DNMT3B: variants seen among roughly 807,000 people sequenced by gnomAD.
DNMT3B encodes the protein DNA methyltransferase 3 beta, also known as DNA (cytosine-5)-methyltransferase 3B.
In DNMT3B, 37 loss-of-function variants were observed where a neutral mutation model predicts 120.2. That is an observed-to-expected ratio of 0.31 (90% CI 0.24 to 0.40). The LOEUF (loss-of-function observed/expected upper bound fraction) is 0.40. Among genes scored for constraint, DNMT3B ranks in the 10% least tolerant of loss-of-function variants. The pLI is 1.00. For synonymous variants in DNMT3B, 412 were observed against 442.8 expected (o/e 0.93, Z 0.87); for missense variants, 878 against 1,137.3 (o/e 0.77, Z 3.28).
intron 1 of DNMT3B, among the ~76,000 whole-genome samples, chr20:32,764,177 T>C (rs1462856971): frequency 6.6e-6 from 1 of 152,240 alleles, no homozygotes; most frequent in Non-Finnish European, 1.5e-5. Context: ...GTTTAAACCC[T>C]GTCTCGCCAA....
chr20:32,801,025 G>C, intron 18 of DNMT3B, 100 bp downstream of exon 18: 1 of 1,441,208 alleles, frequency 6.9e-7, no homozygotes. Context: ...TTCTGGCCAA[G>C]TTACTGGCAG....
rs755107400 is a variant in DNMT3B, at chr20:32,805,415, G to A, written c.2301+8G>A. The A allele has an allele frequency of 2.5e-6, 4 of 1,613,814 alleles. No individual in the cohort carries two copies. The highest frequency in any genetic ancestry group is 2.7e-5 in the African/African-American group (2 of 74,868). ...TACAATAGGATAGCCAAGGTAAGAC[G>A]AGCTGTGGCCCTCTGGAAAAATGCA... On this transcript the variant is annotated splice_region_variant and intron_variant, in intron 21 of 22. Coordinates refer to ENST00000328111, the MANE Select transcript of DNMT3B (RefSeq NM_006892.4).
chr20:32,766,392 T>A (rs1987371311), intron 1 of DNMT3B, among the ~76,000 whole-genome samples: 1 of 151,846 alleles, frequency 6.6e-6, no homozygotes, highest in African/African-American at 2.4e-5. Context: ...TTTTTTTTTA[T>A]AAGGACAAGG....
chr20:32,766,199 C>A (rs1345888239), intron 1 of DNMT3B, among the ~76,000 whole-genome samples: 3 of 152,080 alleles, frequency 2.0e-5, no homozygotes, highest in African/African-American at 2.4e-5. Flanking sequence ...CAAAAAGTAG[C>A]CAGGCGTGTT....
chr20:32,773,628 T>A (rs893746736), intron 1 of DNMT3B, among the ~76,000 whole-genome samples: 5 of 133,170 alleles, frequency 3.8e-5, no homozygotes, highest in Non-Finnish European at 4.9e-5. Context: ...TTTTTTTTTT[T>A]TATAACAGGG....
rs200902224 is a variant in DNMT3B, at chr20:32,784,843, G to C, written c.290G>C (p.Arg97Pro). ...AAGCTCTTCCGGGAAACCAGGACTC[G>C]TTCAGAAAGCCCAGCTGTAAGTAGC... ...MPKLFRETRT[R>P]SESPAVRTRN... The change falls in exon 4 of 23, where the codon CGT becomes CCT. Residue 97 changes from arginine (R) to proline (P), a missense_variant. Coordinates refer to ENST00000328111, the MANE Select transcript of DNMT3B (RefSeq NM_006892.4). 6.2e-7 allele frequency: 1 copy of C among 1,613,936 alleles called. No individual in the cohort carries two copies. The highest frequency in any genetic ancestry group is 1.3e-5 in the African/African-American group (1 of 74,866).
chr20:32,798,186 A>T (rs1297394733), intron 14 of DNMT3B, among the ~76,000 whole-genome samples: 1 of 152,170 alleles, frequency 6.6e-6, no homozygotes, highest in Non-Finnish European at 1.5e-5. Flanking sequence ...CTGGTTTGCC[A>T]GTTGGCCTGT....
At chr20:32,769,921 G>C (rs1440726564) in intron 1 of DNMT3B, among the ~76,000 whole-genome samples, 1 of 151,972 alleles carries the variant, frequency 6.6e-6, no homozygotes, top group Non-Finnish European at 1.5e-5. Flanking sequence ...AGATTTATTT[G>C]TGTTATGACA....
intron 7 of DNMT3B, among the ~76,000 whole-genome samples, chr20:32,790,294 C>A (rs1253306422): frequency 6.6e-6 from 1 of 152,150 alleles, no homozygotes; most frequent in African/African-American, 2.4e-5. Context: ...AGCAGTAACT[C>A]AAGTGAAGGA....
chr20:32,788,962 A>G lies in DNMT3B; in HGVS notation c.763A>G (p.Met255Val), dbSNP rs996321864. The change falls in exon 7 of 23, where the codon ATG becomes GTG. Residue 255 changes from methionine (M) to valine (V), a missense_variant. By Grantham distance (21) the Met-to-Val change is conservative. This residue lies in a region of DNMT3B where 50 missense variants were observed against 89.7 expected (regional missense o/e 0.56). Coordinates refer to ENST00000328111, the MANE Select transcript of DNMT3B (RefSeq NM_006892.4). ...GAAGGCCACCTCCAAGCGACAGGCT[A>G]TGTCTGGCATGCGGTGGGTCCAGTG... ...SWKATSKRQAMSGMRWVQWFG... is the reference protein window; with the variant it reads ...SWKATSKRQAVSGMRWVQWFG... The G allele has an allele frequency of 1.2e-6, 2 of 1,614,028 alleles. No homozygotes were observed. The highest frequency in any genetic ancestry group is 1.3e-5 in the African/African-American group (1 of 74,928).
chr20:32,778,942 A>AGATGGATGGATG (rs3080493), intron 1 of DNMT3B, among the ~76,000 whole-genome samples: 5 of 150,534 alleles, frequency 3.3e-5, no homozygotes, highest in Admixed American at 1.3e-4. Context: ...TCTCTAAGAT[A>AGATGGATGGATG]GATGGATGGA....
chr20:32,786,160 A>C (rs1601089485), intron 4 of DNMT3B, among the ~76,000 whole-genome samples: 5 of 152,376 alleles, frequency 3.3e-5, no homozygotes, highest in Admixed American at 3.3e-4. Context: ...CTGGGATCAC[A>C]GGCATGAGCG....
chr20:32,787,199 T>C, intron 5 of DNMT3B, 31 bp from the exon 6 acceptor site: 1 of 1,614,030 alleles, frequency 6.2e-7, no homozygotes, highest in Non-Finnish European at 8.5e-7. Context: ...TCCTTTGCTC[T>C]GGCCCAAACT....
At chr20:32,770,433 C>T (rs1987650568) in intron 1 of DNMT3B, among the ~76,000 whole-genome samples, 1 of 152,044 alleles carries the variant, frequency 6.6e-6, no homozygotes. Flanking sequence ...GGATTACAGG[C>T]ATGTGCCACC....
At chr20:32,797,946 G>A (rs1980842806) in intron 14 of DNMT3B, among the ~76,000 whole-genome samples, 1 of 152,056 alleles carries the variant, frequency 6.6e-6, no homozygotes, top group African/African-American at 2.4e-5. Flanking sequence ...AAAGTTCTGG[G>A]ATTACAGTCA....
intron 1 of DNMT3B, among the ~76,000 whole-genome samples, chr20:32,767,036 G>A (rs921398113): frequency 6.6e-6 from 1 of 152,188 alleles, no homozygotes; most frequent in East Asian, 1.9e-4. Flanking sequence ...GACTACGGGC[G>A]TGGTGGTGCA....
intron 8 of DNMT3B, 133 bp from the exon 9 acceptor site, chr20:32,792,493 C>A: frequency 6.8e-7 from 1 of 1,477,320 alleles, no homozygotes; most frequent in Non-Finnish European, 9.3e-7. Flanking sequence ...TACCACAGCC[C>A]AGGACAGCTG....
intron 1 of DNMT3B, chr20:32,780,087 C>A: frequency 2.5e-6 from 4 of 1,611,770 alleles, no homozygotes; most frequent in Non-Finnish European, 3.4e-6. Flanking sequence ...TGGGTGCTGG[C>A]GTCTGAGCCT....
chr20:32,806,439 C>A lies in DNMT3B; in HGVS notation c.2420+112C>A. ...ATGGCCTCACTGCCCTTTGGTGTTA[C>A]TGGGGCGAGGAGTAATAATACCTTT... On this transcript the variant is annotated intron_variant, in intron 22 of 22. Coordinates refer to ENST00000328111, the MANE Select transcript of DNMT3B (RefSeq NM_006892.4). The A allele has an allele frequency of 3.0e-6, 3 of 1,003,212 alleles. 1 individual carries two copies. Among genetic ancestry groups the A allele is most frequent in the Non-Finnish European group, 4.7e-6 (3 of 634,098 alleles). The allele number at this position is 1,003,212 out of a possible 1,614,324, so 62.1% of individuals were successfully genotyped here.
Sources: gnomAD v4.1 joint callset for allele counts (sites outside exome capture counted in the v4.1 genomes callset) on GRCh38, gnomAD v4.1.1 for gene constraint, gnomAD v4.1.1 regional missense constraint, MANE v1.5 for transcripts, NCBI Gene and HGNC (gene_info 2026-07-23, HGNC 2026-07-21) for gene names.